The following TMED5 variants were observed in gnomAD, a reference collection of about 807,000 sequenced individuals.
TMED5 encodes transmembrane emp24 domain-containing protein 5.
TMED5 carries 27 observed loss-of-function variants against 23.0 expected under a neutral mutation model. The observed-to-expected ratio is 1.17, with a 90% CI of 0.86 to 1.62. The LOEUF (loss-of-function observed/expected upper bound fraction) is 1.62, where lower values mean the gene tolerates loss of function less well. Ranked by LOEUF, TMED5 falls within the 40% of genes most tolerant of loss-of-function variation. The pLI is 0.00. For synonymous variants in TMED5, 97 were observed against 100.8 expected (o/e 0.96, Z 0.23); for missense variants, 248 against 273.7 (o/e 0.91, Z 0.66).
At chr1:93,170,599 G>A (rs1431826515) in intron 1 of TMED5, among the ~76,000 whole-genome samples, 1 of 152,202 alleles carries the variant, frequency 6.6e-6, no homozygotes, top group African/African-American at 2.4e-5. Context: ...ACCGCCCAAG[G>A]GCTGAGGAGT....
rs1228148623 is a variant in TMED5, at chr1:93,155,143, T to C, written c.472-255A>G. On this transcript the variant is annotated intron_variant, in intron 3 of 3. Coordinates refer to ENST00000370282, the MANE Select transcript of TMED5 (RefSeq NM_016040.5). ...TGGGAGGCTGAGGTGGGGGGATCAC[T>C]TGAGTCCAGGAGGTTGAGATTGCAA... is the stretch of plus-strand genomic sequence containing the variant. Among the ~76,000 whole-genome samples the C allele has an allele frequency of 6.6e-6, 1 of 152,086 alleles. No individual in the cohort carries two copies. The highest frequency in any genetic ancestry group is 1.5e-5 in the Non-Finnish European group (1 of 68,006).
intron 3 of TMED5, chr1:93,156,088 G>T: frequency 6.9e-7 from 1 of 1,447,036 alleles, no homozygotes. Flanking sequence ...TAGGGTCCTG[G>T]AAGATAAGTT....
intron 1 of TMED5, among the ~76,000 whole-genome samples, chr1:93,166,647 T>C (rs1393569796): frequency 6.6e-6 from 1 of 152,216 alleles, no homozygotes; most frequent in Non-Finnish European, 1.5e-5. Flanking sequence ...GAGTTCCTTA[T>C]ATATTCTGGT....
chr1:93,158,273 A>G (rs1648146908), intron 2 of TMED5, among the ~76,000 whole-genome samples: 2 of 152,188 alleles, frequency 1.3e-5, no homozygotes, highest in Non-Finnish European at 2.9e-5. Flanking sequence ...CCCATTGGTA[A>G]AATAATATTT....
At chr1:93,166,526 A>G (rs2101146795) in intron 1 of TMED5, among the ~76,000 whole-genome samples, 1 of 152,320 alleles carries the variant, frequency 6.6e-6, no homozygotes, top group Non-Finnish European at 1.5e-5. Context: ...GATGTTGAGC[A>G]CATTTTCATA....
chr1:93,172,766 G>A (rs1648771439), intron 1 of TMED5, among the ~76,000 whole-genome samples: 1 of 151,958 alleles, frequency 6.6e-6, no homozygotes, highest in Non-Finnish European at 1.5e-5. Flanking sequence ...ACATCCAAAG[G>A]AACTGAAATC....
At chr1:93,178,129 A>G (rs1648992655) in intron 1 of TMED5, among the ~76,000 whole-genome samples, 1 of 152,208 alleles carries the variant, frequency 6.6e-6, no homozygotes, top group South Asian at 2.1e-4. Flanking sequence ...ATGGACTTGT[A>G]CAAAATTAAG....
At chr1:93,172,180 C>T (rs760002868) in intron 1 of TMED5, among the ~76,000 whole-genome samples, 1 of 152,148 alleles carries the variant, frequency 6.6e-6, no homozygotes, top group Non-Finnish European at 1.5e-5. Flanking sequence ...TCCCTCATTA[C>T]TCCTACTCAG....
chr1:93,160,523 A>G (rs1003192940), intron 1 of TMED5: 2 of 211,836 alleles, frequency 9.4e-6, no homozygotes, highest in African/African-American at 2.3e-5. Flanking sequence ...GAATGGACGG[A>G]AACACAAAGA....
In TMED5 at chr1:93,163,981, CAAAA is replaced by C. The variant is rs564350861; in HGVS notation, c.190-3759_190-3756del. 8.8e-5 allele frequency among the ~76,000 whole-genome samples: 5 copies of C among 56,524 alleles called. No homozygotes were observed. The South Asian group carries it at 2.3e-3, about 26-fold the overall frequency. 37.1% of individuals were successfully genotyped at this position (56,524 alleles called of 152,430 possible). On this transcript the variant is annotated intron_variant, in intron 1 of 3. Coordinates refer to ENST00000370282, the MANE Select transcript of TMED5 (RefSeq NM_016040.5). ...TGTGCCACAGAGTGAGACTCCATCT[CAAAA>C]AAAAAAAAAAAAGCCATAATCTGGA...
chr1:93,180,085 GGCATGGGCTGGTAGAA>G lies in TMED5; in HGVS notation c.142_157del (p.Phe48ProfsTer2). On this transcript the variant is annotated frameshift_variant, in exon 1 of 4. Transcript: ENST00000370282. LOFTEE classifies it high-confidence loss of function. ...CTCGATCTCCAGCGAGGCCTTCAGGGGCATGGGCTGGTAGAAGCACTCCTTCTGGCCGGCGGGAAGG... is the reference window on the plus strand; with the variant it reads ...CTCGATCTCCAGCGAGGCCTTCAGGGGCACTCCTTCTGGCCGGCGGGAAGG... The G allele has an allele frequency of 6.2e-7, 1 of 1,613,632 alleles. No individual in the cohort carries two copies. The highest frequency in any genetic ancestry group is 8.5e-7 in the Non-Finnish European group (1 of 1,179,778).
intron 1 of TMED5, chr1:93,160,982 A>G (rs915980165): frequency 1.6e-4 from 24 of 152,232 alleles, no homozygotes; most frequent in African/African-American, 5.8e-4. Context: ...ACTGACTTCA[A>G]CACATTCTTC....
intron 1 of TMED5, among the ~76,000 whole-genome samples, chr1:93,178,334 G>A (rs138059836): frequency 1.3e-5 from 2 of 152,078 alleles, no homozygotes; most frequent in African/African-American, 4.8e-5. Flanking sequence ...AAGAACTATG[G>A]ATCTTTTTGT....
chr1:93,160,030 AT>A (rs1369036756), intron 2 of TMED5, 98 bp downstream of exon 2: 10 of 655,980 alleles, frequency 1.5e-5, no homozygotes, highest in Non-Finnish European at 2.7e-5. Context: ...GAATTATCTA[AT>A]ATTGATATGT....
intron 2 of TMED5, among the ~76,000 whole-genome samples, chr1:93,158,119 T>C (rs1648141015): frequency 8.1e-6 from 1 of 123,110 alleles, no homozygotes; most frequent in Non-Finnish European, 1.6e-5. Flanking sequence ...TGAGACTCCG[T>C]CTCAAAAAAA....
At chr1:93,179,292 G>A (rs2783497) in intron 1 of TMED5, among the ~76,000 whole-genome samples, 14,158 of 151,186 alleles carry the variant, frequency 0.094, 884 homozygotes, top group East Asian at 0.28. Context: ...AACCCGGGAG[G>A]CGGAGGTTGC....
intron 1 of TMED5, among the ~76,000 whole-genome samples, chr1:93,172,027 TA>T (rs1323748580): frequency 2.6e-5 from 4 of 152,144 alleles, no homozygotes; most frequent in Non-Finnish European, 5.9e-5. Flanking sequence ...TATTTAATAT[TA>T]AAAAAATCTT....
At position 93,180,291 on chromosome 1, in the gene TMED5, T is replaced by G. The variant is rs1239062290; in HGVS notation, c.-49A>C. 1.3e-6 allele frequency: 2 copies of G among 1,545,692 alleles called. No homozygotes were observed. The highest frequency in any genetic ancestry group is 1.7e-6 in the Non-Finnish European group (2 of 1,150,572). On this transcript the variant is annotated 5_prime_UTR_variant, in exon 1 of 4. Coordinates refer to ENST00000370282, the MANE Select transcript of TMED5 (RefSeq NM_016040.5). The stretch of plus-strand genomic sequence containing the variant: ...GAAAGAGGCGTCAGGTACTGTTGTC[T>G]CCGCTCCGCGTTTCCTCTCTGGACT...
At chr1:93,167,719 T>A (rs1256472517) in intron 1 of TMED5, among the ~76,000 whole-genome samples, 1 of 152,208 alleles carries the variant, frequency 6.6e-6, no homozygotes, top group Non-Finnish European at 1.5e-5. Context: ...TTTGACTTCT[T>A]CCTTTCCAAA....
Sources: gnomAD v4.1 joint callset for allele counts (sites outside exome capture counted in the v4.1 genomes callset) on GRCh38, gnomAD v4.1.1 for gene constraint, MANE v1.5 for transcripts, NCBI Gene and HGNC (gene_info 2026-07-23, HGNC 2026-07-21) for gene names.